PDE10A: variants seen among roughly 807,000 people sequenced by gnomAD.
PDE10A encodes the protein phosphodiesterase 10A.
A neutral mutation model predicts 97.7 loss-of-function variants in PDE10A; 39 were observed. The observed-to-expected ratio is 0.40, with a 90% CI of 0.31 to 0.52. PDE10A has a LOEUF of 0.52. Among genes scored for constraint, PDE10A ranks in the 20% least tolerant of loss-of-function variants. PDE10A has a pLI of 0.56. For missense variants in PDE10A, 731 were observed against 1,047.8 expected (o/e 0.70, Z 4.17); for synonymous variants, 371 against 376.8 (o/e 0.98, Z 0.18).
intron 1 of PDE10A, among the ~76,000 whole-genome samples, chr6:165,688,434 G>C (rs1320932670): frequency 6.6e-6 from 1 of 152,164 alleles, no homozygotes; most frequent in East Asian, 1.9e-4. Context: ...TATAATTGAC[G>C]AAGCCTCAGG....
chr6:165,883,989 A>G (rs1371575044), intron 1 of PDE10A, among the ~76,000 whole-genome samples: 1 of 152,100 alleles, frequency 6.6e-6, no homozygotes, highest in Non-Finnish European at 1.5e-5. Context: ...GAGAAAGCCC[A>G]CCAGCACCCA....
intron 9 of PDE10A, among the ~76,000 whole-genome samples, chr6:165,429,415 A>C (rs762083944): frequency 5.9e-5 from 9 of 152,080 alleles, no homozygotes; most frequent in Non-Finnish European, 1.0e-4. Flanking sequence ...CAGGTATCCA[A>C]GGGGAGCTTT....
In PDE10A at chr6:165,478,144, T is replaced by C. The variant is rs923643455; in HGVS notation, c.1023+4171A>G. Among the ~76,000 whole-genome samples the C allele has an allele frequency of 3.9e-5, 6 of 152,330 alleles. No homozygotes were observed. In the South Asian group the frequency reaches 1.0e-3, roughly 26 times the overall value. On this transcript the variant is annotated intron_variant, in intron 3 of 21. Coordinates refer to ENST00000539869, the MANE Select transcript of PDE10A (RefSeq NM_001385079.1). ...TAAAAATCTCCAATTCCGTATCTGA[T>C]TCCTTAAACTTACTAATTTTCCAAT...
intron 1 of PDE10A, among the ~76,000 whole-genome samples, chr6:165,968,570 C>T (rs1784580931): frequency 6.6e-6 from 1 of 152,194 alleles, no homozygotes; most frequent in Admixed American, 6.5e-5. Flanking sequence ...GGCGTCATGA[C>T]TCAGACAGAG....
At chr6:165,940,715 G>C (rs1182568723) in intron 1 of PDE10A, 1 of 152,218 alleles carries the variant, frequency 6.6e-6, no homozygotes, top group Non-Finnish European at 1.5e-5. Flanking sequence ...TTCTCTCCAG[G>C]GCGCCTGCCT....
intron 1 of PDE10A, among the ~76,000 whole-genome samples, chr6:165,645,985 A>C (rs529328205): frequency 6.6e-6 from 1 of 152,212 alleles, no homozygotes; most frequent in Non-Finnish European, 1.5e-5. Flanking sequence ...GGTAGGAAAC[A>C]AGTATAAAGG....
At chr6:165,403,426 C>T (rs1434957717) in intron 13 of PDE10A, among the ~76,000 whole-genome samples, 1 of 152,174 alleles carries the variant, frequency 6.6e-6, no homozygotes, top group Non-Finnish European at 1.5e-5. Flanking sequence ...CAGGGAAACA[C>T]ACAAATCAGG....
chr6:165,336,101 C>T (rs370502092), intron 21 of PDE10A, 22 bp downstream of exon 21: 114 of 1,537,520 alleles, frequency 7.4e-5, no homozygotes, highest in Admixed American at 1.8e-4. Context: ...AATATTTTTA[C>T]GGCTTGAACC....
rs1360127829 is a variant in PDE10A, at chr6:165,701,172, C to CT, written c.-614-157605dup. 2.0e-5 allele frequency among the ~76,000 whole-genome samples: 3 copies of CT among 152,360 alleles called. No homozygotes were observed. In the East Asian group the frequency reaches 5.8e-4, roughly 29 times the overall value. On this transcript the variant is annotated intron_variant, in intron 1 of 19. Coordinates refer to the PDE10A transcript ENST00000366882. ...AAAGTTATTTTGCTAAAACAAGACT[C>CT]TGACTTCAGATGCCTGGCAGCAAAT...
intron 18 of PDE10A, among the ~76,000 whole-genome samples, chr6:165,357,288 T>C (rs1381710650): frequency 3.9e-5 from 6 of 152,210 alleles, no homozygotes; most frequent in African/African-American, 1.4e-4. Context: ...TTTACAGTTA[T>C]ACTTTTACAG....
At chr6:165,615,900 T>C (rs545997980) in intron 1 of PDE10A, among the ~76,000 whole-genome samples, 3 of 152,278 alleles carry the variant, frequency 2.0e-5, no homozygotes, top group African/African-American at 7.2e-5. Flanking sequence ...GGGGAATGCA[T>C]GAATCCACAC....
chr6:165,490,698 G>A (rs1780176958), intron 2 of PDE10A, among the ~76,000 whole-genome samples: 1 of 152,180 alleles, frequency 6.6e-6, no homozygotes, highest in African/African-American at 2.4e-5. Context: ...TGGACGTGGT[G>A]GTTCATGCCA....
intron 7 of PDE10A, 78 bp downstream of exon 7, chr6:165,432,896 A>C (rs1032146173): frequency 2.1e-6 from 2 of 960,870 alleles, no homozygotes; most frequent in African/African-American, 3.3e-5. Flanking sequence ...GTTTAGTATT[A>C]CTTAGCAATA....
intron 2 of PDE10A, among the ~76,000 whole-genome samples, chr6:165,537,308 GTGGT>G (rs1463902812): frequency 6.6e-6 from 1 of 151,988 alleles, no homozygotes; most frequent in Non-Finnish European, 1.5e-5. Flanking sequence ...ATGGTTAAGA[GTGGT>G]TGGTTAACAG....
chr6:165,739,928 T>C (rs1792676480), intron 1 of PDE10A, among the ~76,000 whole-genome samples: 2 of 152,082 alleles, frequency 1.3e-5, no homozygotes, highest in Admixed American at 1.3e-4. Flanking sequence ...ATCCCACCCA[T>C]TAATAGTTAT....
At chr6:165,751,163 CAG>C (rs1043141092) in intron 1 of PDE10A, among the ~76,000 whole-genome samples, 3 of 152,214 alleles carry the variant, frequency 2.0e-5, no homozygotes, top group African/African-American at 4.8e-5. Flanking sequence ...ACAGGCAACC[CAG>C]AGTCACCACA....
chr6:165,623,192 C>G (rs996750591), intron 1 of PDE10A, among the ~76,000 whole-genome samples: 3 of 152,182 alleles, frequency 2.0e-5, no homozygotes, highest in Non-Finnish European at 4.4e-5. Context: ...GTGGCACGAT[C>G]TCAGCTCACT....
chr6:165,585,642 C>A (rs1785865025), intron 1 of PDE10A, among the ~76,000 whole-genome samples: 1 of 152,116 alleles, frequency 6.6e-6, no homozygotes, highest in Admixed American at 6.6e-5. Context: ...CCCTTCGAGC[C>A]TCTGGAGGGT....
At chr6:165,771,428 C>T (rs1778006542) in intron 1 of PDE10A, among the ~76,000 whole-genome samples, 1 of 152,024 alleles carries the variant, frequency 6.6e-6, no homozygotes, top group African/African-American at 2.4e-5. Flanking sequence ...TCCACTATAA[C>T]CAGAGTCACC....
Sources: gnomAD v4.1 joint callset for allele counts (sites outside exome capture counted in the v4.1 genomes callset) on GRCh38, gnomAD v4.1.1 for gene constraint, MANE v1.5 for transcripts, NCBI Gene and HGNC (gene_info 2026-07-23, HGNC 2026-07-21) for gene names.